SHISA9: variants seen among roughly 807,000 people sequenced by gnomAD.
SHISA9 encodes the protein shisa family member 9, also known as protein shisa-9.
A neutral mutation model predicts 38.0 loss-of-function variants in SHISA9; 13 were observed. The observed-to-expected ratio is 0.34, with a 90% CI of 0.22 to 0.54. SHISA9 has a LOEUF of 0.54. SHISA9 is among the 20% of genes least tolerant of loss of function. The pLI, the probability that SHISA9 is intolerant of heterozygous loss-of-function variation, is 0.91. For synonymous variants in SHISA9, 275 were observed against 242.0 expected (o/e 1.14, Z -1.27); for missense variants, 538 against 575.8 (o/e 0.93, Z 0.67).
intron 2 of SHISA9, among the ~76,000 whole-genome samples, chr16:12,951,219 TC>T (rs369397050): frequency 0.11 from 2,117 of 18,728 alleles, 489 homozygotes; most frequent in African/African-American, 0.21. Context: ...AGACTCCTTC[TC>T]CAAAAAAAAA....
chr16:13,497,774 TGACA>T, the SHISA9 span, among the ~76,000 whole-genome samples: 2 of 151,612 alleles, frequency 1.3e-5, no homozygotes, highest in Non-Finnish European at 2.9e-5. Flanking sequence ...GCAGACAAGT[TGACA>T]GACAGATACA....
chr16:13,483,391 C>G, the SHISA9 span, among the ~76,000 whole-genome samples: 1 of 152,136 alleles, frequency 6.6e-6, no homozygotes, highest in East Asian at 1.9e-4. Flanking sequence ...TATTTGCTGC[C>G]TAGCTTTATT....
the SHISA9 span, among the ~76,000 whole-genome samples, chr16:13,362,019 T>C: frequency 1.3e-5 from 2 of 151,976 alleles, no homozygotes; most frequent in Non-Finnish European, 2.9e-5. Context: ...CCTTGAGTGA[T>C]TCACTTAACA....
intron 2 of SHISA9, among the ~76,000 whole-genome samples, chr16:13,145,435 G>A (rs1252090784): frequency 6.6e-6 from 1 of 152,210 alleles, no homozygotes; most frequent in Non-Finnish European, 1.5e-5. Flanking sequence ...GCTGAGGCAG[G>A]AGAATTGCTT....
At chr16:13,291,524 T>C in the SHISA9 span, among the ~76,000 whole-genome samples, 1 of 152,196 alleles carries the variant, frequency 6.6e-6, no homozygotes, top group Non-Finnish European at 1.5e-5. Flanking sequence ...ATGTTTCCCA[T>C]GAAGTGCTCC....
At chr16:13,328,245 C>T in the SHISA9 span, among the ~76,000 whole-genome samples, 9 of 152,090 alleles carry the variant, frequency 5.9e-5, no homozygotes, top group Non-Finnish European at 1.3e-4. Context: ...GAAAACATAA[C>T]TCCTAAATGC....
At chr16:13,024,244 G>T (rs983471516) in intron 2 of SHISA9, among the ~76,000 whole-genome samples, 1 of 152,200 alleles carries the variant, frequency 6.6e-6, no homozygotes, top group African/African-American at 2.4e-5. Flanking sequence ...GCATTTGCAT[G>T]GCCTCTTACT....
In SHISA9 at chr16:13,180,689, C is replaced by A. The variant is rs367590810; in HGVS notation, c.692-22705C>A. Among the ~76,000 whole-genome samples, 44 of 152,184 alleles carry A rather than the reference C, an allele frequency of 2.9e-4. No homozygotes were observed. The South Asian group carries it at 8.7e-3, about 30-fold the overall frequency. Reference sequence around the variant, plus strand: ...CTCCAGCCTAGGTGACAGAGTGAGACCCTGTCTCTAAATAAATAAATAAAC... The same window carrying A: ...CTCCAGCCTAGGTGACAGAGTGAGAACCTGTCTCTAAATAAATAAATAAAC... On this transcript the variant is annotated intron_variant, in intron 2 of 4. Transcript: ENST00000558583.
intron 2 of SHISA9, among the ~76,000 whole-genome samples, chr16:13,177,432 C>A (rs1368163715): frequency 6.6e-6 from 1 of 152,098 alleles, no homozygotes; most frequent in Non-Finnish European, 1.5e-5. Context: ...AAAGTATTGC[C>A]ACTGTATACA....
chr16:13,120,221 G>A (rs956223506), intron 2 of SHISA9, among the ~76,000 whole-genome samples: 5 of 152,192 alleles, frequency 3.3e-5, no homozygotes, highest in Admixed American at 6.5e-5. Flanking sequence ...TAGTTTGAAC[G>A]CAGAGTTACT....
the SHISA9 span, among the ~76,000 whole-genome samples, chr16:13,362,138 C>T: frequency 3.4e-5 from 5 of 145,618 alleles, no homozygotes; most frequent in African/African-American, 1.3e-4. Flanking sequence ...CCAAGGCAGG[C>T]AGATTGCTTA....
the SHISA9 span, among the ~76,000 whole-genome samples, chr16:13,484,881 C>T: frequency 6.6e-6 from 1 of 152,158 alleles, no homozygotes; most frequent in Non-Finnish European, 1.5e-5. Flanking sequence ...ATCCAATCAC[C>T]TCCCACCAGG....
chr16:13,293,818 A>G, the SHISA9 span, among the ~76,000 whole-genome samples: 3 of 152,078 alleles, frequency 2.0e-5, no homozygotes, highest in Admixed American at 1.3e-4. Context: ...CAAAACAAAA[A>G]CTCTAGTGGT....
At chr16:13,075,397 A>G (rs1314275107) in intron 2 of SHISA9, among the ~76,000 whole-genome samples, 1 of 152,164 alleles carries the variant, frequency 6.6e-6, no homozygotes, top group Non-Finnish European at 1.5e-5. Flanking sequence ...CCCGAAGCCA[A>G]GGGATCCTGA....
intron 2 of SHISA9, among the ~76,000 whole-genome samples, chr16:13,052,120 A>G (rs1026839476): frequency 6.6e-5 from 10 of 152,320 alleles, no homozygotes; most frequent in Admixed American, 2.0e-4. Flanking sequence ...CAAAGGAGAA[A>G]TGAGTAAATC....
chr16:13,157,889 T>C (rs983701196), intron 2 of SHISA9, among the ~76,000 whole-genome samples: 1 of 152,216 alleles, frequency 6.6e-6, no homozygotes, highest in African/African-American at 2.4e-5. Flanking sequence ...TGCTCAAGGC[T>C]CAGGAAGCCT....
intron 2 of SHISA9, among the ~76,000 whole-genome samples, chr16:13,181,776 G>T (rs377386979): frequency 6.6e-6 from 1 of 151,878 alleles, no homozygotes; most frequent in Admixed American, 6.6e-5. Context: ...TGGGGAGAAG[G>T]GGGATAAATT....
At chr16:13,413,757 C>CAA in the SHISA9 span, among the ~76,000 whole-genome samples, 11 of 52,916 alleles carry the variant, frequency 2.1e-4, no homozygotes, top group Admixed American at 9.5e-4. Context: ...GACTTCATCT[C>CAA]AAAAAAAAAA....
chr16:13,297,313 G>T, the SHISA9 span, among the ~76,000 whole-genome samples: 1 of 152,116 alleles, frequency 6.6e-6, no homozygotes, highest in African/African-American at 2.4e-5. Flanking sequence ...TTGAGCCCAA[G>T]GGAAGGATAT....
Sources: allele counts gnomAD v4.1 joint callset (sites outside exome capture counted in the v4.1 genomes callset), GRCh38; gene constraint gnomAD v4.1.1; transcripts MANE v1.5; gene names NCBI Gene and HGNC (gene_info 2026-07-23, HGNC 2026-07-21).